Variants in RASGEF1A observed in about 807,000 individuals in gnomAD.
RASGEF1A encodes the protein ras-GEF domain-containing family member 1A.
RASGEF1A carries 18 observed loss-of-function variants against 56.4 expected under a neutral mutation model. The ratio of observed to expected loss-of-function variants is 0.32; its 90% CI spans 0.22 to 0.47. The LOEUF (loss-of-function observed/expected upper bound fraction) is 0.47, where lower values mean the gene tolerates loss of function less well. RASGEF1A is among the 20% of genes least tolerant of loss of function. The pLI is 1.00. For missense variants in RASGEF1A, 422 were observed against 627.1 expected (o/e 0.67, Z 3.49); for synonymous variants, 245 against 242.6 (o/e 1.01, Z -0.09).
chr10:43,246,776 G>A (rs1351492684), intron 1 of RASGEF1A, among the ~76,000 whole-genome samples: 1 of 152,152 alleles, frequency 6.6e-6, no homozygotes. Context: ...GAATTCCAAT[G>A]GATCAAAGAC....
At chr10:43,199,273 G>A in intron 7 of RASGEF1A, 79 bp from the exon 8 acceptor site, 1 of 1,098,822 alleles carries the variant, frequency 9.1e-7, no homozygotes, top group Non-Finnish European at 1.4e-6. Context: ...AGGAACAGAG[G>A]GGCAGGGAGG....
chr10:43,212,698 T>C (rs1365813782), intron 1 of RASGEF1A, among the ~76,000 whole-genome samples: 2 of 152,230 alleles, frequency 1.3e-5, no homozygotes, highest in Non-Finnish European at 2.9e-5. Flanking sequence ...GGGGCTCTGC[T>C]CAGCCTGGGT....
intron 1 of RASGEF1A, among the ~76,000 whole-genome samples, chr10:43,255,348 G>C (rs971677018): frequency 1.3e-5 from 2 of 152,084 alleles, no homozygotes; most frequent in East Asian, 1.9e-4. Flanking sequence ...GGGCCTGGAC[G>C]GCTCCAGGAT....
At chr10:43,202,827 G>A in intron 3 of RASGEF1A, 2 of 417,966 alleles carry the variant, frequency 4.8e-6, no homozygotes, top group East Asian at 7.2e-5. Context: ...CTGGTGTGGC[G>A]TCACGCCCCA....
At position 43,205,977 on chromosome 10, in the gene RASGEF1A, G is replaced by C; in HGVS notation, c.140C>G (p.Ser47Cys). 1 of 1,613,274 alleles carries C rather than the reference G, an allele frequency of 6.2e-7. No homozygotes were observed. The change falls in exon 2 of 13, where the codon TCT (serine) becomes TGT (cysteine). Residue 47 changes from serine to cysteine, a missense_variant. Ser to Cys is a moderately radical substitution (Grantham distance 112). Around this residue, in one of 2 missense-constraint regions of RASGEF1A, gnomAD observed 273 missense variants for 339.9 expected, o/e 0.80. Transcript: ENST00000395810. ...DLIFQDGHLISGSLEALMEHL... is the reference protein window; with the variant it reads ...DLIFQDGHLICGSLEALMEHL... The stretch of plus-strand genomic sequence containing the variant: ...CTCCATCAGGGCCTCCAGGGACCCA[G>C]AGATGAGGTGTCCATCTTGGAAGAT...
chr10:43,262,174 T>C (rs991958190), intron 1 of RASGEF1A, among the ~76,000 whole-genome samples: 2 of 151,714 alleles, frequency 1.3e-5, no homozygotes, highest in Admixed American at 6.6e-5. Context: ...TTGGTGGGGG[T>C]GGGGAAACAA....
chr10:43,200,914 G>A, intron 4 of RASGEF1A, 26 bp from the exon 5 acceptor site: 1 of 1,598,112 alleles, frequency 6.3e-7, no homozygotes, highest in East Asian at 2.2e-5. Flanking sequence ...CAATAAGGGT[G>A]CCAGCATGGG....
chr10:43,257,464 G>T (rs1387167696), intron 1 of RASGEF1A, among the ~76,000 whole-genome samples: 2 of 152,210 alleles, frequency 1.3e-5, no homozygotes, highest in Admixed American at 1.3e-4. Flanking sequence ...TTCTGGGACT[G>T]GGCCTGCCTC....
intron 9 of RASGEF1A, among the ~76,000 whole-genome samples, chr10:43,198,628 T>C (rs1839839264): frequency 1.3e-5 from 2 of 152,258 alleles, no homozygotes; most frequent in African/African-American, 4.8e-5. Context: ...AGCCAGGACC[T>C]GGAGACACTG....
At chr10:43,210,214 G>A (rs1840046856) in intron 1 of RASGEF1A, among the ~76,000 whole-genome samples, 11 of 152,212 alleles carry the variant, frequency 7.2e-5, no homozygotes, top group Non-Finnish European at 1.5e-5. Flanking sequence ...GCTCATGCCT[G>A]TAATCCCAGC....
intron 1 of RASGEF1A, among the ~76,000 whole-genome samples, chr10:43,226,490 T>G (rs2133206415): frequency 6.6e-6 from 1 of 151,924 alleles, no homozygotes; most frequent in East Asian, 1.9e-4. Flanking sequence ...GGATCTTGGC[T>G]GCCATCCTCC....
At chr10:43,207,783 T>A in intron 1 of RASGEF1A, 1 of 815,718 alleles carries the variant, frequency 1.2e-6, no homozygotes, top group Non-Finnish European at 1.5e-6. Context: ...ACTGCTTCTG[T>A]ACCCCAACGC....
rs1378557569 is a variant in RASGEF1A at position 43,253,532 on chromosome 10, G to GCAGTC, written c.-7+13308_-7+13312dup. On this transcript the variant is annotated intron_variant, in intron 1 of 12. Coordinates refer to ENST00000395810, the MANE Select transcript of RASGEF1A (RefSeq NM_145313.4). ...TAAAGTTGAAGAATCTTTCCCCGCT[G>GCAGTC]CAGTCAGAGAAAGTGTGAGGACAAG... Among the ~76,000 whole-genome samples the GCAGTC allele has an allele frequency of 3.3e-5, 5 of 152,378 alleles. No individual in the cohort carries two copies. In the East Asian group the frequency reaches 9.6e-4, roughly 29 times the overall value.
intron 1 of RASGEF1A, chr10:43,207,597 G>C: frequency 1.0e-6 from 1 of 985,590 alleles, no homozygotes; most frequent in South Asian, 4.7e-5. Context: ...GATGACGCTG[G>C]GTGGAATGTC....
intron 3 of RASGEF1A, 61 bp from the exon 4 acceptor site, chr10:43,202,006 A>C: frequency 6.7e-7 from 1 of 1,491,336 alleles, no homozygotes; most frequent in Middle Eastern, 1.8e-4. Flanking sequence ...CTAGATGGCA[A>C]ATGGTGCAAG....
At chr10:43,225,876 G>C (rs540627731) in intron 1 of RASGEF1A, among the ~76,000 whole-genome samples, 1 of 152,182 alleles carries the variant, frequency 6.6e-6, no homozygotes, top group African/African-American at 2.4e-5. Flanking sequence ...CCTCACCCAC[G>C]GGGAGGGGGA....
chr10:43,237,444 TCCCCTCC>T (rs1840444968), intron 1 of RASGEF1A, among the ~76,000 whole-genome samples: 2 of 15,880 alleles, frequency 1.3e-4, no homozygotes, highest in Non-Finnish European at 2.6e-4. Context: ...CTCCCCCTCC[TCCCCTCC>T]CCTCCCCCCC....
chr10:43,225,592 TG>T (rs774908062), intron 1 of RASGEF1A, among the ~76,000 whole-genome samples: 29 of 151,922 alleles, frequency 1.9e-4, no homozygotes, highest in Non-Finnish European at 3.7e-4. Flanking sequence ...TGTGTGTGTG[TG>T]TGTGTGTGTC....
chr10:43,220,835 T>A (rs1840198607), intron 1 of RASGEF1A, among the ~76,000 whole-genome samples: 1 of 145,956 alleles, frequency 6.9e-6, no homozygotes, highest in African/African-American at 2.6e-5. Flanking sequence ...CAGCTTAGAG[T>A]GAAGTTGCTG....
Sources: allele counts gnomAD v4.1 joint callset (sites outside exome capture counted in the v4.1 genomes callset), GRCh38; gene constraint gnomAD v4.1.1; regional missense constraint gnomAD v4.1.1; transcripts MANE v1.5; gene names NCBI Gene and HGNC (gene_info 2026-07-23, HGNC 2026-07-21).